Variants in WWC2 observed in about 807,000 individuals in gnomAD.
WWC2 encodes the protein protein WWC2.
A neutral mutation model predicts 138.5 loss-of-function variants in WWC2; 101 were observed. The observed-to-expected ratio is 0.73, with a 90% CI of 0.62 to 0.86. WWC2 has a LOEUF of 0.86. Among genes scored for constraint, WWC2 ranks in the 40% least tolerant of loss-of-function variants. WWC2 has a pLI of 0.00. For synonymous variants in WWC2, 558 were observed against 538.4 expected (o/e 1.04, Z -0.50); for missense variants, 1,420 against 1,419.4 (o/e 1.00, Z -0.01).
intron 21 of WWC2, among the ~76,000 whole-genome samples, chr4:183,291,444 A>G (rs1738448098): frequency 6.6e-6 from 1 of 152,234 alleles, no homozygotes. Flanking sequence ...TCAATAACCA[A>G]CATTTTTACT....
At chr4:183,208,800 T>C in intron 3 of WWC2, 149 bp from the exon 4 acceptor site, 2 of 581,836 alleles carry the variant, frequency 3.4e-6, no homozygotes. Flanking sequence ...ACTTTTTATA[T>C]TTAGGTGTCT....
rs539547652 is a variant in WWC2, at chr4:183,146,428, C to T, written c.131+46806C>T. On this transcript the variant is annotated intron_variant, in intron 1 of 22. Transcript: ENST00000403733. Reference sequence around the variant, plus strand: ...AGGGGGTGGATTCAGTTATGGTAAACAGAACAGCTAGTTTTTTAAAAACAT... The same window carrying T: ...AGGGGGTGGATTCAGTTATGGTAAATAGAACAGCTAGTTTTTTAAAAACAT... Among the ~76,000 whole-genome samples, 4 of 152,338 alleles carry T rather than the reference C, an allele frequency of 2.6e-5. No homozygotes were observed. In the South Asian group the frequency reaches 8.3e-4, roughly 32 times the overall value.
chr4:183,125,780 C>A (rs1262050739), intron 1 of WWC2, among the ~76,000 whole-genome samples: 1 of 152,202 alleles, frequency 6.6e-6, no homozygotes, highest in Non-Finnish European at 1.5e-5. Flanking sequence ...AGAATTCATG[C>A]TCATTCCCAT....
At chr4:183,247,529 T>C (rs1238690487) in intron 6 of WWC2, among the ~76,000 whole-genome samples, 3 of 142,270 alleles carry the variant, frequency 2.1e-5, no homozygotes, top group Non-Finnish European at 3.0e-5. Flanking sequence ...ACTATATATA[T>C]ACTATATATA....
chr4:183,099,517 A>C lies in WWC2; in HGVS notation c.26A>C (p.Gln9Pro), dbSNP rs1417463588. 1.4e-6 allele frequency: 2 copies of C among 1,389,218 alleles called. No homozygotes were observed. Among genetic ancestry groups the C allele is most frequent in the South Asian group, 3.1e-5 (2 of 64,376 alleles). The allele number at this position is 1,389,218 out of a possible 1,614,324, so 86.1% of individuals were successfully genotyped here. MPRRAGSG[Q>P]LPLPRGWEEA... The stretch of plus-strand genomic sequence containing the variant: ...ATGCCTAGGAGGGCCGGGAGCGGTC[A>C]GCTGCCGCTGCCCCGGGGCTGGGAG... The change falls in exon 1 of 23, where the codon CAG (glutamine) becomes CCG (proline). Residue 9 changes from glutamine (Q) to proline (P), a missense_variant. Transcript: ENST00000403733.
At chr4:183,271,502 A>G (rs1280710454) in intron 16 of WWC2, among the ~76,000 whole-genome samples, 4 of 152,188 alleles carry the variant, frequency 2.6e-5, no homozygotes, top group African/African-American at 4.8e-5. Flanking sequence ...ATAAACTGAC[A>G]TAGGGGCTTC....
chr4:183,218,249 G>A (rs1735812135), intron 4 of WWC2, among the ~76,000 whole-genome samples: 1 of 151,844 alleles, frequency 6.6e-6, no homozygotes, highest in South Asian at 2.1e-4. Flanking sequence ...TGGCCAATAA[G>A]CATATGAAAA....
In WWC2 at chr4:183,099,350, C is replaced by T; in HGVS notation, c.-142C>T. 1 of 873,056 alleles carries T rather than the reference C, an allele frequency of 1.1e-6. No homozygotes were observed. The highest frequency in any genetic ancestry group is 1.5e-6 in the Non-Finnish European group (1 of 689,114). 54.1% of individuals were successfully genotyped at this position (873,056 alleles called of 1,614,324 possible). ...CTGAGGCACCTCCCGCGCGTGGTTCCGCCGCGCCCCGCGCCCTGCGCCCCT... is the reference window on the plus strand; with the variant it reads ...CTGAGGCACCTCCCGCGCGTGGTTCTGCCGCGCCCCGCGCCCTGCGCCCCT... On this transcript the variant is annotated 5_prime_UTR_variant, in exon 1 of 23. Coordinates refer to ENST00000403733, the MANE Select transcript of WWC2 (RefSeq NM_024949.6).
rs573586239 is a variant in WWC2 at position 183,222,388 on chromosome 4, CATA to C, written c.522+13367_522+13369del. 7.9e-5 allele frequency among the ~76,000 whole-genome samples: 12 copies of C among 151,834 alleles called. No homozygotes were observed. The East Asian group carries it at 1.4e-3, about 17-fold the overall frequency. On this transcript the variant is annotated intron_variant, in intron 4 of 22. Coordinates refer to ENST00000403733, the MANE Select transcript of WWC2 (RefSeq NM_024949.6). The stretch of plus-strand genomic sequence containing the variant: ...TTTTAACATATCTATGATAGCCATT[CATA>C]ATATATAAAATTAAAAAATCATATT...
chr4:183,167,197 C>T (rs975080748), intron 1 of WWC2, among the ~76,000 whole-genome samples: 2 of 152,186 alleles, frequency 1.3e-5, no homozygotes, highest in African/African-American at 4.8e-5. Flanking sequence ...TGCACTGATT[C>T]GAGAAAACCT....
intron 1 of WWC2, among the ~76,000 whole-genome samples, chr4:183,114,917 G>T (rs899552435): frequency 6.6e-6 from 1 of 152,112 alleles, no homozygotes; most frequent in Non-Finnish European, 1.5e-5. Flanking sequence ...TGCCTCCCGG[G>T]TTCAAGCGAT....
chr4:183,115,725 T>C (rs1023142967), intron 1 of WWC2, among the ~76,000 whole-genome samples: 1 of 152,216 alleles, frequency 6.6e-6, no homozygotes, highest in African/African-American at 2.4e-5. Context: ...TTGTTTATGT[T>C]CCTTATAGAT....
intron 2 of WWC2, among the ~76,000 whole-genome samples, chr4:183,202,134 A>G (rs1170518756): frequency 6.6e-6 from 1 of 152,126 alleles, no homozygotes; most frequent in Non-Finnish European, 1.5e-5. Flanking sequence ...GCTAGGTTGA[A>G]TAATTTCGGC....
intron 1 of WWC2, among the ~76,000 whole-genome samples, chr4:183,155,062 A>G (rs541341594): frequency 6.6e-6 from 1 of 152,366 alleles, no homozygotes; most frequent in East Asian, 1.9e-4. Flanking sequence ...GGAAGGAGGG[A>G]CATTGTGGGC....
At chr4:183,187,501 C>T (rs1224297773) in intron 1 of WWC2, among the ~76,000 whole-genome samples, 6 of 149,918 alleles carry the variant, frequency 4.0e-5, no homozygotes, top group South Asian at 4.2e-4. Flanking sequence ...TGCAATGAGC[C>T]GAGATTGTGT....
At chr4:183,132,988 TAA>T (rs1267754812) in intron 1 of WWC2, among the ~76,000 whole-genome samples, 2 of 151,984 alleles carry the variant, frequency 1.3e-5, no homozygotes, top group African/African-American at 2.4e-5. Context: ...TCAGGGATAT[TAA>T]GTTTTCTTTT....
chr4:183,215,683 T>C (rs1735735235), intron 4 of WWC2, among the ~76,000 whole-genome samples: 1 of 152,202 alleles, frequency 6.6e-6, no homozygotes, highest in South Asian at 2.1e-4. Context: ...CTTTTCTAGC[T>C]TTGAAGGGTA....
intron 1 of WWC2, among the ~76,000 whole-genome samples, chr4:183,155,722 GTCA>G (rs983494016): frequency 6.6e-6 from 1 of 152,156 alleles, no homozygotes; most frequent in Non-Finnish European, 1.5e-5. Flanking sequence ...TTAAGAAAAT[GTCA>G]TATACAGTAA....
intron 1 of WWC2, among the ~76,000 whole-genome samples, chr4:183,175,788 G>A (rs9997569): frequency 0.95 from 144,896 of 152,300 alleles, 69,356 homozygotes; most frequent in Non-Finnish European, 1. Flanking sequence ...AAAGCACTGG[G>A]AAACAGAGCA....
Sources: gnomAD v4.1 joint callset for allele counts (sites outside exome capture counted in the v4.1 genomes callset) on GRCh38, gnomAD v4.1.1 for gene constraint, MANE v1.5 for transcripts, NCBI Gene and HGNC (gene_info 2026-07-23, HGNC 2026-07-21) for gene names.